PSMA3: variants seen among roughly 807,000 people sequenced by gnomAD.
PSMA3 encodes the protein proteasome 20S subunit alpha 3, also known as proteasome subunit alpha type-3.
PSMA3 carries 8 observed loss-of-function variants against 40.0 expected under a neutral mutation model. That is an observed-to-expected ratio of 0.20 (90% confidence interval 0.12 to 0.36). The LOEUF (loss-of-function observed/expected upper bound fraction) is 0.36. PSMA3 is among the 10% of genes least tolerant of loss of function. PSMA3 has a pLI of 1.00. For synonymous variants in PSMA3, 110 were observed against 100.0 expected, an observed-to-expected ratio of 1.10 and a Z score of -0.59; for missense variants, 219 against 310.6, an observed-to-expected ratio of 0.70 and a Z score of 2.22.
At chr14:58,263,347 T>C (rs1336845997) in intron 6 of PSMA3, among the ~76,000 whole-genome samples, 1 of 152,192 alleles carries the variant, frequency 6.6e-6, no homozygotes, top group African/African-American at 2.4e-5. Context: ...AGTACTGAAC[T>C]CATAGGAATT....
intron 6 of PSMA3, 114 bp downstream of exon 6, chr14:58,261,134 A>ATT: frequency 1.4e-6 from 1 of 722,820 alleles, no homozygotes; most frequent in South Asian, 2.2e-5. Flanking sequence ...CAAGGAAAGT[A>ATT]ATTTTTCTTT....
chr14:58,248,336 T>C (rs1476742205), intron 2 of PSMA3, among the ~76,000 whole-genome samples: 2 of 152,148 alleles, frequency 1.3e-5, no homozygotes, highest in African/African-American at 4.8e-5. Flanking sequence ...TTCAAGTGAT[T>C]CTCTTGCCTC....
At position 58,270,916 on chromosome 14, in the gene PSMA3, A is replaced by G. The variant is rs950554528; in HGVS notation, c.659-18A>G. 6.4e-6 allele frequency: 10 copies of G among 1,572,968 alleles called. No individual in the cohort carries two copies. The highest frequency in any genetic ancestry group is 7.8e-6 in the Non-Finnish European group (9 of 1,147,842). ...TACTCAATTTAAAATTCATTTACAC[A>G]TGTGGCTTAATTTACAGTAACTAAT... is the stretch of plus-strand genomic sequence containing the variant. On this transcript the variant is annotated intron_variant, in intron 9 of 10. Transcript: ENST00000216455.
Position 58,252,123 on chromosome 14 carries a change from G to A in PSMA3, c.109G>A (p.Ala37Thr), listed in dbSNP as rs763741147. ...ATTTTCTTCTCCTTGTTTCAGTACA[G>A]CTATTGGAATCAGATGCAAAGATGG... ...AMKAVENSST[A>T]IGIRCKDGVV... The change falls in exon 3 of 11, where the codon GCT (alanine) becomes ACT (threonine). Residue 37 changes from alanine (A) to threonine (T), a missense_variant. By Grantham distance (58) the Ala-to-Thr change is moderately conservative. Coordinates refer to ENST00000216455, the MANE Select transcript of PSMA3 (RefSeq NM_002788.4). 6.2e-7 allele frequency: 1 copy of A among 1,607,692 alleles called. No homozygotes were observed. Among genetic ancestry groups the A allele is most frequent in the Non-Finnish European group, 8.5e-7 (1 of 1,178,146 alleles).
rs546022898 is a variant in PSMA3 at position 58,269,145 on chromosome 14, G to A, written c.591-1273G>A. Among the ~76,000 whole-genome samples the A allele has an allele frequency of 1.2e-4, 19 of 152,156 alleles. 1 individual carries two copies. The highest frequency in any genetic ancestry group is 3.9e-4 in the African/African-American group (16 of 41,512). ...AGACAGGCTTTACCATCTTGGCCAG[G>A]CTGGTCTTGAACTCCTGACCTTGTG... is the stretch of plus-strand genomic sequence containing the variant. On this transcript the variant is annotated intron_variant, in intron 8 of 10. Coordinates refer to ENST00000216455, the MANE Select transcript of PSMA3 (RefSeq NM_002788.4).
intron 3 of PSMA3, among the ~76,000 whole-genome samples, chr14:58,256,847 G>A (rs940637241): frequency 5.3e-5 from 8 of 151,942 alleles, no homozygotes; most frequent in East Asian, 3.9e-4. Flanking sequence ...GGCCGGGCAC[G>A]GCGGCTCACA....
At chr14:58,261,141 CTTTTTTTTTT>C (rs750255185) in intron 6 of PSMA3, 121 bp downstream of exon 6, 1 of 452,396 alleles carries the variant, frequency 2.2e-6, no homozygotes, top group Non-Finnish European at 3.7e-6. Context: ...AGTAATTTTT[CTTTTTTTTTT>C]TTTTACAACA....
At chr14:58,261,804 C>G (rs2140090458) in intron 6 of PSMA3, among the ~76,000 whole-genome samples, 1 of 152,254 alleles carries the variant, frequency 6.6e-6, no homozygotes, top group South Asian at 2.1e-4. Context: ...TCTATAGAGA[C>G]AAGGTCTTTC....
In PSMA3 at chr14:58,252,216, T is replaced by C; in HGVS notation, c.202T>C (p.Phe68Leu). ...TGAAGAAGGTTCCAACAAAAGACTT[T>C]TTAATGTTGATCGGCATGTTGGAAT... is the stretch of plus-strand genomic sequence containing the variant. ...LYEEGSNKRL[F>L]NVDRHVGMAV... Residue 68 changes from phenylalanine to leucine, a missense_variant, in exon 3 of 11, where the codon TTT (phenylalanine) becomes CTT (leucine). By Grantham distance (22) the Phe-to-Leu change is conservative (BLOSUM62 0). Coordinates refer to ENST00000216455, the MANE Select transcript of PSMA3 (RefSeq NM_002788.4). 6.2e-7 allele frequency: 1 copy of C among 1,611,784 alleles called. No individual in the cohort carries two copies. Among genetic ancestry groups the C allele is most frequent in the Non-Finnish European group, 8.5e-7 (1 of 1,179,504 alleles).
intron 3 of PSMA3, among the ~76,000 whole-genome samples, chr14:58,253,929 C>A (rs766792990): frequency 1.4e-4 from 21 of 152,078 alleles, no homozygotes; most frequent in Admixed American, 5.9e-4. Context: ...GAATAGTATT[C>A]CATTGTGTAT....
Sources: gnomAD v4.1 joint callset for allele counts (sites outside exome capture counted in the v4.1 genomes callset) on GRCh38, gnomAD v4.1.1 for gene constraint, MANE v1.5 for transcripts, NCBI Gene and HGNC (gene_info 2026-07-23, HGNC 2026-07-21) for gene names.